Variants in TBC1D5 observed in about 807,000 individuals in gnomAD.
TBC1D5 encodes TBC1 domain family, member 5.
Under a neutral mutation model 100.3 loss-of-function variants are expected in TBC1D5, and 75 were observed. The ratio of observed to expected loss-of-function variants is 0.75; its 90% CI spans 0.62 to 0.91. The LOEUF (loss-of-function observed/expected upper bound fraction) is 0.91, where lower values mean the gene tolerates loss of function less well. TBC1D5 is among the 40% of genes least tolerant of loss of function. The pLI is 0.00. For synonymous variants in TBC1D5, 323 were observed against 325.6 expected (o/e 0.99, Z 0.09); for missense variants, 910 against 942.4 (o/e 0.97, Z 0.45).
At chr3:17,411,672 G>C (rs755732333) in intron 4 of TBC1D5, among the ~76,000 whole-genome samples, 3 of 152,160 alleles carry the variant, frequency 2.0e-5, no homozygotes, top group Admixed American at 2.0e-4. Flanking sequence ...CTGGTGGCTA[G>C]ATTCATTGCC....
chr3:17,714,245 G>A (rs1053927529), intron 1 of TBC1D5, among the ~76,000 whole-genome samples: 3 of 152,152 alleles, frequency 2.0e-5, no homozygotes, highest in African/African-American at 2.4e-5. Context: ...TTGAAAACAT[G>A]CCAAGTAGAA....
intron 2 of TBC1D5, among the ~76,000 whole-genome samples, chr3:17,564,759 A>G (rs1451193749): frequency 6.6e-6 from 1 of 152,190 alleles, no homozygotes; most frequent in African/African-American, 2.4e-5. Context: ...TTTTTTTCCT[A>G]TATGTTAAAA....
chr3:17,183,624 T>C (rs1429509085), intron 19 of TBC1D5, among the ~76,000 whole-genome samples: 1 of 152,154 alleles, frequency 6.6e-6, no homozygotes, highest in Non-Finnish European at 1.5e-5. Flanking sequence ...GCAGGAGTGG[T>C]TGAGATGGTA....
intron 2 of TBC1D5, among the ~76,000 whole-genome samples, chr3:17,610,622 C>A (rs997453790): frequency 6.2e-4 from 94 of 152,200 alleles, no homozygotes; most frequent in African/African-American, 2.2e-3. Context: ...TACTTCTAAT[C>A]TTACTTGTAT....
exon 22 of TBC1D5, chr3:17,159,460 C>A (rs2065858523): frequency 6.6e-6 from 1 of 152,278 alleles, no homozygotes; most frequent in African/African-American, 2.4e-5. Context: ...GCCTCGCCAT[C>A]CTCTGAGGAC....
intron 3 of TBC1D5, among the ~76,000 whole-genome samples, chr3:17,435,509 G>A (rs1183194603): frequency 1.1e-4 from 16 of 152,260 alleles, no homozygotes; most frequent in Non-Finnish European, 1.5e-5. Context: ...TTAAAAGGGG[G>A]AAAAGCCCCT....
chr3:17,238,497 C>T (rs1436258819), intron 16 of TBC1D5, 78 bp from the exon 17 acceptor site: 2 of 1,476,230 alleles, frequency 1.4e-6, no homozygotes, highest in Non-Finnish European at 1.8e-6. Flanking sequence ...GGTATAAAAG[C>T]ACACCTTGTC....
chr3:17,223,695 T>C (rs1272354238), intron 17 of TBC1D5, among the ~76,000 whole-genome samples: 2 of 152,090 alleles, frequency 1.3e-5, no homozygotes, highest in Non-Finnish European at 2.9e-5. Flanking sequence ...ACCCCATCTC[T>C]ACAAAAAATA....
At chr3:17,611,771 G>A (rs939292311) in intron 2 of TBC1D5, among the ~76,000 whole-genome samples, 15 of 152,098 alleles carry the variant, frequency 9.9e-5, no homozygotes, top group Non-Finnish European at 1.8e-4. Context: ...CAAAAAAGTT[G>A]CCTGTAAAAA....
intron 2 of TBC1D5, among the ~76,000 whole-genome samples, chr3:17,526,945 T>A (rs1285797788): frequency 6.6e-6 from 1 of 152,136 alleles, no homozygotes; most frequent in Non-Finnish European, 1.5e-5. Flanking sequence ...TAAGCAGAAA[T>A]TGAGGAAATC....
rs892187157 is a variant in TBC1D5, at chr3:17,670,863, C to T, written c.-100-46950G>A. Reference sequence around the variant, plus strand: ...TAATTTCCTTTCCAACCTAAATAAACTTTACACAAACTTGCCTTTGATAAT... The same window carrying T: ...TAATTTCCTTTCCAACCTAAATAAATTTTACACAAACTTGCCTTTGATAAT... On this transcript the variant is annotated intron_variant, in intron 1 of 21. Coordinates refer to ENST00000253692, the Ensembl canonical transcript of TBC1D5. Among the ~76,000 whole-genome samples the T allele has an allele frequency of 8.5e-5, 13 of 152,276 alleles. No homozygotes were observed. In the East Asian group the frequency reaches 1.5e-3, roughly 18 times the overall value.
At chr3:17,267,487 G>C (rs1405248669) in intron 15 of TBC1D5, among the ~76,000 whole-genome samples, 5 of 151,900 alleles carry the variant, frequency 3.3e-5, no homozygotes, top group African/African-American at 1.2e-4. Flanking sequence ...AAGAAAAAAA[G>C]GAAAAAAGTG....
At chr3:17,328,424 C>CTACTTTTATTTA (rs2086443768) in intron 13 of TBC1D5, among the ~76,000 whole-genome samples, 1 of 152,110 alleles carries the variant, frequency 6.6e-6, no homozygotes, top group Non-Finnish European at 1.5e-5. Context: ...TGCTGTCTTC[C>CTACTTTTATTTA]TACTGACCTA....
intron 3 of TBC1D5, among the ~76,000 whole-genome samples, chr3:17,478,239 C>CT (rs945121968): frequency 1.3e-5 from 2 of 151,950 alleles, no homozygotes; most frequent in Admixed American, 6.6e-5. Context: ...GTAATGCCAT[C>CT]TTTTTTTGGC....
intron 3 of TBC1D5, among the ~76,000 whole-genome samples, chr3:17,456,774 A>T (rs1183196524): frequency 6.6e-6 from 1 of 152,222 alleles, no homozygotes; most frequent in Non-Finnish European, 1.5e-5. Flanking sequence ...TGAGTAAAAA[A>T]ATGTGGTATA....
intron 17 of TBC1D5, among the ~76,000 whole-genome samples, chr3:17,235,813 G>A (rs888788707): frequency 6.6e-5 from 10 of 151,990 alleles, no homozygotes; most frequent in Non-Finnish European, 1.0e-4. Context: ...TCCACAAACC[G>A]TTCTCTTTGC....
At chr3:17,637,803 C>T (rs967193463) in intron 1 of TBC1D5, among the ~76,000 whole-genome samples, 3 of 152,086 alleles carry the variant, frequency 2.0e-5, no homozygotes, top group East Asian at 1.9e-4. Flanking sequence ...TCTTACTGAG[C>T]GGTAATTTAG....
At chr3:17,350,752 T>G (rs1421795565) in intron 13 of TBC1D5, among the ~76,000 whole-genome samples, 7 of 152,172 alleles carry the variant, frequency 4.6e-5, no homozygotes, top group Non-Finnish European at 7.3e-5. Flanking sequence ...TAACTATATT[T>G]ATTTTTGTGT....
chr3:17,598,158 C>T (rs965003474), intron 2 of TBC1D5, among the ~76,000 whole-genome samples: 5 of 152,108 alleles, frequency 3.3e-5, no homozygotes, highest in Non-Finnish European at 5.9e-5. Context: ...ACTACGGTTT[C>T]CCTAAAGAAG....
Sources: allele counts gnomAD v4.1 joint callset (sites outside exome capture counted in the v4.1 genomes callset), GRCh38; gene constraint gnomAD v4.1.1; transcripts MANE v1.5; gene names NCBI Gene and HGNC (gene_info 2026-07-23, HGNC 2026-07-21).